KMT2E: variants seen among roughly 807,000 people sequenced by gnomAD.
KMT2E encodes histone reader KMT2E.
In KMT2E, 30 loss-of-function variants were observed where a neutral mutation model predicts 184.6. The observed-to-expected ratio is 0.16, with a 90% CI of 0.12 to 0.22. The LOEUF (loss-of-function observed/expected upper bound fraction) is 0.22, where lower values mean the gene tolerates loss of function less well. Among genes scored for constraint, KMT2E ranks in the 10% least tolerant of loss-of-function variants. KMT2E has a pLI of 1.00. For synonymous variants in KMT2E, 815 were observed against 776.5 expected, an observed-to-expected ratio of 1.05 and a Z score of -0.82; for missense variants, 2,023 against 2,237.4, an observed-to-expected ratio of 0.90 and a Z score of 1.93.
intron 17 of KMT2E, chr7:105,104,049 TCTCCTGACCTTGTGATC>T (rs1798786454): frequency 6.6e-6 from 1 of 152,036 alleles, no homozygotes. Context: ...ATGGTCTCCA[TCTCCTGACCTTGTGATC>T]CACCTGCCTC....
rs753525899 is a variant in KMT2E at position 105,107,727 on chromosome 7, G to A, written c.3270G>A (p.Ser1090=). The change falls in exon 22 of 27, where the codon TCG becomes TCA. Residue 1090 remains serine, a synonymous_variant. Coordinates refer to ENST00000311117, the MANE Select transcript of KMT2E (RefSeq NM_182931.3). ...VNSNLRDLTP[S]HQLEVGGGFR... ...CCAACTTGAGGGACCTGACACCCTC[G>A]CATCAGTTGGAGGTTGGAGGAGGCT... 2.9e-5 allele frequency: 46 copies of A among 1,613,968 alleles called. No homozygotes were observed. Among genetic ancestry groups the A allele is most frequent in the South Asian group, 1.1e-4 (10 of 91,088 alleles).
At position 105,113,486 on chromosome 7, in the gene KMT2E, A is replaced by AAAATTCCTTTAAAAAATGTGCTG. The variant is rs1799427944; in HGVS notation, c.*154_*176dup. 14 of 862,354 alleles carry AAAATTCCTTTAAAAAATGTGCTG rather than the reference A, an allele frequency of 1.6e-5. No homozygotes were observed. The South Asian group carries it at 3.1e-4, about 19-fold the overall frequency. The allele number at this position is 862,354 out of a possible 1,614,324, so 53.4% of individuals were successfully genotyped here. A position where few individuals can be genotyped will look rare whatever the true frequency, so the allele number is the denominator to read the frequency against. On this transcript the variant is annotated 3_prime_UTR_variant, in exon 27 of 27. Coordinates refer to ENST00000311117, the MANE Select transcript of KMT2E (RefSeq NM_182931.3). The stretch of plus-strand genomic sequence containing the variant: ...TGTATTTTTCTCATTTTTGCTTTTT[A>AAAATTCCTTTAAAAAATGTGCTG]AAATTCCTTTAAAAAATGTGCTGTT...
intron 1 of KMT2E, among the ~76,000 whole-genome samples, chr7:105,015,160 C>G (rs1422327004): frequency 6.6e-6 from 1 of 152,158 alleles, no homozygotes; most frequent in Non-Finnish European, 1.5e-5. Context: ...TCTCCTCCCC[C>G]ACTCCTTTTG....
At chr7:105,095,897 G>T (rs1483177081) in intron 15 of KMT2E, among the ~76,000 whole-genome samples, 1 of 152,032 alleles carries the variant, frequency 6.6e-6, no homozygotes, top group Non-Finnish European at 1.5e-5. Flanking sequence ...GATACTGGGG[G>T]GTATACCTGT....
chr7:105,073,747 T>C (rs550651471), intron 7 of KMT2E, 70 bp downstream of exon 7: 500 of 886,778 alleles, frequency 5.6e-4, no homozygotes, highest in Non-Finnish European at 4.6e-4. Flanking sequence ...TCTCAACTTT[T>C]AGTTAAATGT....
chr7:105,077,961 G>A (rs1797599977), intron 11 of KMT2E, among the ~76,000 whole-genome samples: 1 of 152,174 alleles, frequency 6.6e-6, no homozygotes. Flanking sequence ...TCTTTGGTTT[G>A]AGATTTGTAT....
chr7:105,113,594 T>C lies in KMT2E; in HGVS notation c.*261T>C, dbSNP rs1799433452. On this transcript the variant is annotated 3_prime_UTR_variant, in exon 27 of 27. Transcript: ENST00000311117. ...CAGATCTGATGCTGATTTGATGCTG[T>C]ATGATCTTTTTTTTTTTTTTAGTTA... The C allele has an allele frequency of 5.5e-6, 2 of 366,646 alleles. No homozygotes were observed. Among genetic ancestry groups the C allele is most frequent in the East Asian group, 9.1e-5 (2 of 22,068 alleles). The allele number at this position is 366,646 out of a possible 1,614,324, so 22.7% of individuals were successfully genotyped here. A position where few individuals can be genotyped will look rare whatever the true frequency, so the allele number is the denominator to read the frequency against.
At chr7:105,090,332 T>A in intron 14 of KMT2E, 59 bp downstream of exon 14, 1 of 1,526,880 alleles carries the variant, frequency 6.5e-7, no homozygotes, top group Non-Finnish European at 8.8e-7. Flanking sequence ...CTGTCATATT[T>A]TATCCTCTTC....
At chr7:105,096,145 C>T (rs1169266032) in intron 15 of KMT2E, among the ~76,000 whole-genome samples, 2 of 148,324 alleles carry the variant, frequency 1.3e-5, no homozygotes, top group African/African-American at 2.5e-5. Flanking sequence ...ATCCCAGCTA[C>T]TTGGGAGGCT....
rs767088988 is a variant in KMT2E at position 105,108,996 on chromosome 7, A to G, written c.3523A>G (p.Lys1175Glu). ...ACGTGAAGCTAGGAAAAGTGGCTCT[A>G]AGACAGAGAACTTTCCACTCATTAG... The part of the protein sequence containing the change: ...RQREARKSGS[K>E]TENFPLISVS... The change falls in exon 23 of 27, where the codon AAG becomes GAG. Residue 1175 changes from lysine to glutamate, a missense_variant. Around this residue, in one of 8 missense-constraint regions of KMT2E, gnomAD observed 1,108 missense variants for 1,050.9 expected, o/e 1.05. Transcript: ENST00000311117. The G allele has an allele frequency of 1.2e-6, 2 of 1,614,128 alleles. No individual in the cohort carries two copies. The highest frequency in any genetic ancestry group is 2.2e-5 in the South Asian group (2 of 91,082).
chr7:105,054,735 G>C (rs551843063), intron 3 of KMT2E, among the ~76,000 whole-genome samples: 2 of 152,074 alleles, frequency 1.3e-5, no homozygotes, highest in African/African-American at 4.8e-5. Context: ...GCTTGATCTC[G>C]AACTCCTGAC....
At chr7:105,056,642 T>C (rs1338718245) in intron 3 of KMT2E, among the ~76,000 whole-genome samples, 4 of 152,236 alleles carry the variant, frequency 2.6e-5, no homozygotes, top group Non-Finnish European at 4.4e-5. Context: ...GTCATTGGGC[T>C]TGTACATAGA....
chr7:105,109,843 CTTTTTTTTTT>C (rs34727137), intron 23 of KMT2E, among the ~76,000 whole-genome samples: 1 of 136,308 alleles, frequency 7.3e-6, no homozygotes, highest in Non-Finnish European at 1.6e-5. Flanking sequence ...ATAAGATTAA[CTTTTTTTTTT>C]TTTTTTTTGA....
At position 105,109,144 on chromosome 7, in the gene KMT2E, A is replaced by G; in HGVS notation, c.3671A>G (p.Tyr1224Cys). 1 of 1,614,192 alleles carries G rather than the reference A, an allele frequency of 6.2e-7. No individual in the cohort carries two copies. The change falls in exon 23 of 27, where the codon TAT (tyrosine) becomes TGT (cysteine). Residue 1224 changes from tyrosine (Y) to cysteine (C), a missense_variant. By Grantham distance (194) the Tyr-to-Cys change is radical. Around this residue, in one of 8 missense-constraint regions of KMT2E, gnomAD observed 1,108 missense variants for 1,050.9 expected, o/e 1.05. Transcript: ENST00000311117. ...SLPLPTPATV[Y>C]NATSEETSNN... ...CCTTTACCAACACCAGCTACAGTTT[A>G]TAATGCCACTTCTGAAGAAACTAGC... is the stretch of plus-strand genomic sequence containing the variant.
intron 1 of KMT2E, among the ~76,000 whole-genome samples, chr7:105,016,824 G>T (rs1794734223): frequency 2.0e-5 from 3 of 152,078 alleles, no homozygotes; most frequent in Admixed American, 6.5e-5. Flanking sequence ...ACTTCATATG[G>T]TGACTGTATC....
chr7:105,091,330 A>G lies in KMT2E; in HGVS notation c.1722+16A>G. Reference sequence around the variant, plus strand: ...AAGGAAGATGGTAAGTTGGGAAGCCAGTAGTTTGGGCTTAGTGACAGCTGC... The same window carrying G: ...AAGGAAGATGGTAAGTTGGGAAGCCGGTAGTTTGGGCTTAGTGACAGCTGC... On this transcript the variant is annotated intron_variant, in intron 15 of 26. Transcript: ENST00000311117. 6.8e-7 allele frequency: 1 copy of G among 1,468,166 alleles called. No individual in the cohort carries two copies. The highest frequency in any genetic ancestry group is 1.7e-5 in the Admixed American group (1 of 59,676). The allele number at this position is 1,468,166 out of a possible 1,614,324, so 90.9% of individuals were successfully genotyped here.
At chr7:105,086,543 G>GAT (rs1159753071) in intron 13 of KMT2E, among the ~76,000 whole-genome samples, 1 of 151,862 alleles carries the variant, frequency 6.6e-6, no homozygotes, top group Non-Finnish European at 1.5e-5. Flanking sequence ...TGGCCAACAT[G>GAT]ATGAAACTCC....
chr7:105,076,454 GAGTT>G lies in KMT2E; in HGVS notation c.768+377_768+380del, dbSNP rs375813096. 2.0e-4 allele frequency among the ~76,000 whole-genome samples: 30 copies of G among 152,320 alleles called. No homozygotes were observed. In the East Asian group the frequency reaches 3.7e-3, roughly 19 times the overall value. On this transcript the variant is annotated intron_variant, in intron 9 of 26. Transcript: ENST00000311117. Reference sequence around the variant, plus strand: ...ACTTTTGCATAGTTGGGATTCTAGAGAGTTAGTCAAGTCAGTTGTCATACTATAA... The same window carrying G: ...ACTTTTGCATAGTTGGGATTCTAGAGAGTCAAGTCAGTTGTCATACTATAA...
chr7:105,062,703 TAAA>T (rs1470591374), intron 4 of KMT2E, among the ~76,000 whole-genome samples: 1 of 151,896 alleles, frequency 6.6e-6, no homozygotes, highest in Admixed American at 6.6e-5. Flanking sequence ...ATTTAATCAT[TAAA>T]AACAACTTCA....
Sources: allele counts gnomAD v4.1 joint callset (sites outside exome capture counted in the v4.1 genomes callset), GRCh38; gene constraint gnomAD v4.1.1; regional missense constraint gnomAD v4.1.1; transcripts MANE v1.5; gene names NCBI Gene and HGNC (gene_info 2026-07-23, HGNC 2026-07-21).